The following FRMD4B variants were observed in gnomAD, a reference collection of about 807,000 sequenced individuals.
FRMD4B encodes FERM domain containing 4B, also known as FERM domain-containing protein 4B.
A neutral mutation model predicts 141.5 loss-of-function variants in FRMD4B; 74 were observed. That is an observed-to-expected ratio of 0.52 (90% CI 0.43 to 0.63). The LOEUF (loss-of-function observed/expected upper bound fraction) is 0.63, where lower values mean the gene tolerates loss of function less well. Ranked by LOEUF, FRMD4B falls within the 30% of genes least tolerant of loss-of-function variation. FRMD4B has a pLI of 0.00. For synonymous variants in FRMD4B, 506 were observed against 467.9 expected, an observed-to-expected ratio of 1.08 and a Z score of -1.05; for missense variants, 1,366 against 1,253.4, an observed-to-expected ratio of 1.09 and a Z score of -1.36.
chr3:69,232,118 G>A (rs2093311559), intron 7 of FRMD4B, among the ~76,000 whole-genome samples: 1 of 152,298 alleles, frequency 6.6e-6, no homozygotes, highest in Non-Finnish European at 1.5e-5. Flanking sequence ...CCTCAATCGG[G>A]ATGTCTCTGC....
intron 1 of FRMD4B, among the ~76,000 whole-genome samples, chr3:69,346,034 A>G (rs1032440419): frequency 6.6e-6 from 1 of 152,144 alleles, no homozygotes; most frequent in Non-Finnish European, 1.5e-5. Context: ...AAACTTCTCC[A>G]AGCTAAAGGA....
chr3:69,207,492 G>A (rs1382265668), intron 11 of FRMD4B, among the ~76,000 whole-genome samples: 2 of 151,982 alleles, frequency 1.3e-5, no homozygotes, highest in African/African-American at 4.8e-5. Context: ...TGTGGTAAAT[G>A]CTTAGACATG....
chr3:69,380,765 G>C (rs896506638), intron 1 of FRMD4B, among the ~76,000 whole-genome samples: 1 of 152,162 alleles, frequency 6.6e-6, no homozygotes, highest in Admixed American at 6.5e-5. Flanking sequence ...GTTGCCTCCT[G>C]TTGGAGGCAA....
At chr3:69,355,563 T>C (rs980492208) in intron 1 of FRMD4B, among the ~76,000 whole-genome samples, 3 of 152,120 alleles carry the variant, frequency 2.0e-5, no homozygotes, top group African/African-American at 7.2e-5. Flanking sequence ...AATCGGAATG[T>C]TGATAGCCAG....
chr3:69,324,161 CCTGT>C (rs1702105578), intron 1 of FRMD4B, among the ~76,000 whole-genome samples: 2 of 152,196 alleles, frequency 1.3e-5, no homozygotes, highest in Non-Finnish European at 2.9e-5. Context: ...TTAATCTCCA[CCTGT>C]TGGGATGCTT....
At chr3:69,177,603 T>C (rs2092661112) in intron 21 of FRMD4B, among the ~76,000 whole-genome samples, 1 of 152,142 alleles carries the variant, frequency 6.6e-6, no homozygotes, top group Admixed American at 6.5e-5. Context: ...TGAGCCATGT[T>C]TGCACCACTG....
intron 3 of FRMD4B, among the ~76,000 whole-genome samples, chr3:69,307,079 C>T (rs1475683766): frequency 1.3e-5 from 2 of 152,044 alleles, no homozygotes; most frequent in Non-Finnish European, 2.9e-5. Flanking sequence ...ATAAACACGA[C>T]TAGAGCCAGG....
intron 9 of FRMD4B, among the ~76,000 whole-genome samples, chr3:69,219,402 TA>T (rs2093172226): frequency 6.6e-6 from 1 of 152,088 alleles, no homozygotes; most frequent in African/African-American, 2.4e-5. Flanking sequence ...ACATATTTTT[TA>T]AAAGTAAATG....
At chr3:69,248,523 A>G (rs998823148) in intron 7 of FRMD4B, among the ~76,000 whole-genome samples, 1 of 152,244 alleles carries the variant, frequency 6.6e-6, no homozygotes, top group African/African-American at 2.4e-5. Context: ...TAAATAATCT[A>G]CGAGTAACGT....
chr3:69,434,689 C>T (rs1191907180), intron 1 of FRMD4B, among the ~76,000 whole-genome samples: 1 of 152,152 alleles, frequency 6.6e-6, no homozygotes, highest in Admixed American at 6.5e-5. Context: ...AATTAAAGCA[C>T]TTGACTCCAC....
rs1260208870 is a variant in FRMD4B, at chr3:69,169,281, T to C, written c.*2580A>G. Among the ~76,000 whole-genome samples, 2 of 151,848 alleles carry C rather than the reference T, an allele frequency of 1.3e-5. No individual in the cohort carries two copies. The highest frequency in any genetic ancestry group is 2.4e-5 in the African/African-American group (1 of 41,378). On this transcript the variant is annotated 3_prime_UTR_variant, in exon 23 of 23. Coordinates refer to ENST00000398540, the MANE Select transcript of FRMD4B (RefSeq NM_015123.3). Reference sequence around the variant, plus strand: ...CGTAGTTTAATTGGTTTAATACCAATGCGGTTGAGAAATGTTTTTCAAAAG... The same window carrying C: ...CGTAGTTTAATTGGTTTAATACCAACGCGGTTGAGAAATGTTTTTCAAAAG...
In FRMD4B at chr3:69,180,535, A is replaced by C. The variant is rs75094160; in HGVS notation, c.2851+364T>G. Among the ~76,000 whole-genome samples, 226 of 152,302 alleles carry C rather than the reference A, an allele frequency of 1.5e-3. 2 individuals are homozygous for C. Among genetic ancestry groups the C allele is most frequent in the African/African-American group, 5.2e-3 (217 of 41,574 alleles). ...GCCTGTCAACGTAAATCCTAAAAAG[A>C]CAAAGCAAGTGAAACCCCTAACACA... On this transcript the variant is annotated intron_variant, in intron 21 of 22. Coordinates refer to ENST00000398540, the MANE Select transcript of FRMD4B (RefSeq NM_015123.3).
At chr3:69,350,401 T>C (rs1358687653) in intron 1 of FRMD4B, among the ~76,000 whole-genome samples, 1 of 152,220 alleles carries the variant, frequency 6.6e-6, no homozygotes, top group Non-Finnish European at 1.5e-5. Context: ...TCAACCATTG[T>C]GGAAGACAGT....
At chr3:69,492,439 T>G (rs1190499052) in intron 1 of FRMD4B, among the ~76,000 whole-genome samples, 1 of 152,188 alleles carries the variant, frequency 6.6e-6, no homozygotes, top group African/African-American at 2.4e-5. Context: ...TCTCTTTGAT[T>G]TGAGAAAAAA....
At chr3:69,261,267 G>A (rs1293060190) in intron 5 of FRMD4B, among the ~76,000 whole-genome samples, 1 of 152,202 alleles carries the variant, frequency 6.6e-6, no homozygotes, top group East Asian at 1.9e-4. Context: ...AACATCAGAA[G>A]GAATGGACTT....
intron 1 of FRMD4B, among the ~76,000 whole-genome samples, chr3:69,475,668 C>T (rs984686577): frequency 3.3e-5 from 5 of 152,070 alleles, no homozygotes; most frequent in Non-Finnish European, 5.9e-5. Flanking sequence ...AATAAACATA[C>T]GTGTGCATGT....
chr3:69,291,801 C>T (rs1175131342), intron 4 of FRMD4B, among the ~76,000 whole-genome samples: 2 of 151,996 alleles, frequency 1.3e-5, no homozygotes, highest in South Asian at 2.1e-4. Flanking sequence ...GTTTTCCTTC[C>T]GTTTTGTTTG....
chr3:69,291,890 A>ATGG (rs1700887188), intron 4 of FRMD4B, among the ~76,000 whole-genome samples: 1 of 149,766 alleles, frequency 6.7e-6, no homozygotes, highest in Non-Finnish European at 1.5e-5. Context: ...GGGATAATAC[A>ATGG]AAGTGCTCTA....
chr3:69,325,084 AAAAAGAAAGAAAGAAAG>A (rs1313565258), intron 1 of FRMD4B, among the ~76,000 whole-genome samples: 3 of 140,336 alleles, frequency 2.1e-5, no homozygotes, highest in South Asian at 2.3e-4. Flanking sequence ...CTAAAAAAAA[AAAAAGAAAGAAAGAAAG>A]AAAGAAAGAA....
Sources: gnomAD v4.1 joint callset for allele counts (sites outside exome capture counted in the v4.1 genomes callset) on GRCh38, gnomAD v4.1.1 for gene constraint, MANE v1.5 for transcripts, NCBI Gene and HGNC (gene_info 2026-07-23, HGNC 2026-07-21) for gene names.